KCNIP4: variants seen among roughly 807,000 people sequenced by gnomAD.
KCNIP4 encodes the protein potassium voltage-gated channel interacting protein 4, also known as Kv channel-interacting protein 4.
In KCNIP4, 12 loss-of-function variants were observed where a neutral mutation model predicts 34.0. The ratio of observed to expected loss-of-function variants is 0.35; its 90% confidence interval spans 0.23 to 0.57. The LOEUF (loss-of-function observed/expected upper bound fraction) is 0.57, where lower values mean the gene tolerates loss of function less well. Ranked by LOEUF, KCNIP4 falls within the 20% of genes least tolerant of loss-of-function variation. The pLI is 0.83. For missense variants in KCNIP4, 238 were observed against 311.7 expected, an observed-to-expected ratio of 0.76 and a Z score of 1.78; for synonymous variants, 124 against 102.2, an observed-to-expected ratio of 1.21 and a Z score of -1.29.
chr4:20,783,909 G>T (rs1351509843), intron 3 of KCNIP4, among the ~76,000 whole-genome samples: 3 of 152,108 alleles, frequency 2.0e-5, no homozygotes, highest in Non-Finnish European at 4.4e-5. Flanking sequence ...TTGGTTGGTT[G>T]GTTGTTTTGA....
chr4:21,584,790 C>T (rs1741489147), intron 1 of KCNIP4, among the ~76,000 whole-genome samples: 2 of 152,038 alleles, frequency 1.3e-5, no homozygotes. Flanking sequence ...AACACACTCA[C>T]ACAAAGAAAG....
chr4:21,376,401 G>A (rs201639387), intron 1 of KCNIP4, among the ~76,000 whole-genome samples: 3 of 2,602 alleles, frequency 1.2e-3, no homozygotes, highest in Admixed American at 9.1e-3. Flanking sequence ...ATAAAGCATT[G>A]CCAGCCCCGT....
At chr4:21,193,860 A>C (rs966714333) in intron 1 of KCNIP4, among the ~76,000 whole-genome samples, 3 of 152,248 alleles carry the variant, frequency 2.0e-5, no homozygotes, top group East Asian at 3.9e-4. Flanking sequence ...CGTGAGCCAC[A>C]GCGCCTGGCC....
intron 1 of KCNIP4, among the ~76,000 whole-genome samples, chr4:21,865,474 T>C (rs748346600): frequency 2.6e-5 from 4 of 152,154 alleles, no homozygotes; most frequent in Non-Finnish European, 5.9e-5. Context: ...TGACTCATAA[T>C]GTTGTACTGA....
At chr4:21,887,371 G>A (rs1399421948) in intron 1 of KCNIP4, among the ~76,000 whole-genome samples, 3 of 152,008 alleles carry the variant, frequency 2.0e-5, no homozygotes, top group Non-Finnish European at 4.4e-5. Context: ...TTAGCTCTCT[G>A]GTATCTTCTT....
intron 3 of KCNIP4, among the ~76,000 whole-genome samples, chr4:20,819,380 G>A (rs1041442643): frequency 6.6e-5 from 10 of 152,102 alleles, no homozygotes; most frequent in Non-Finnish European, 1.5e-4. Context: ...GTATGATAGG[G>A]AAATGAATAA....
At chr4:21,473,636 T>C (rs944301078) in intron 1 of KCNIP4, among the ~76,000 whole-genome samples, 6 of 152,086 alleles carry the variant, frequency 3.9e-5, no homozygotes, top group East Asian at 1.9e-4. Context: ...AAACTTTAGA[T>C]AAGAGTTTCA....
chr4:21,896,224 C>CA (rs1727377733), intron 1 of KCNIP4, among the ~76,000 whole-genome samples: 1 of 152,144 alleles, frequency 6.6e-6, no homozygotes. Flanking sequence ...CAGATACAGT[C>CA]ACCACTCTCT....
intron 1 of KCNIP4, among the ~76,000 whole-genome samples, chr4:21,933,241 T>C (rs1194848338): frequency 6.6e-6 from 1 of 152,078 alleles, no homozygotes; most frequent in Non-Finnish European, 1.5e-5. Context: ...CTTGTTCCCC[T>C]GCTTAAAACC....
intron 1 of KCNIP4, among the ~76,000 whole-genome samples, chr4:21,157,134 A>T (rs539596180): frequency 6.6e-6 from 1 of 152,276 alleles, no homozygotes; most frequent in South Asian, 2.1e-4. Context: ...AAGACAGTTA[A>T]CATCACCAGC....
chr4:21,463,066 G>C (rs1729612078), intron 1 of KCNIP4, among the ~76,000 whole-genome samples: 1 of 151,920 alleles, frequency 6.6e-6, no homozygotes. Context: ...GGTAGTCCCA[G>C]TTTTAATTTT....
At chr4:21,595,162 C>T (rs920431381) in intron 1 of KCNIP4, among the ~76,000 whole-genome samples, 10 of 152,002 alleles carry the variant, frequency 6.6e-5, no homozygotes, top group African/African-American at 2.4e-4. Flanking sequence ...CTCTGACAGG[C>T]CCCAGTGTGT....
chr4:21,692,553 A>G (rs1173293346), intron 1 of KCNIP4, among the ~76,000 whole-genome samples: 8 of 152,214 alleles, frequency 5.3e-5, no homozygotes, highest in African/African-American at 1.9e-4. Flanking sequence ...GCTTTCTTTT[A>G]GCTTCAGAAT....
chr4:21,099,847 G>A (rs556416103), intron 1 of KCNIP4, among the ~76,000 whole-genome samples: 23 of 152,218 alleles, frequency 1.5e-4, no homozygotes, highest in South Asian at 1.0e-3. Flanking sequence ...TGACTTTGAA[G>A]GGTTCAATAG....
chr4:21,005,917 A>C (rs2149724617), intron 1 of KCNIP4, among the ~76,000 whole-genome samples: 2 of 152,216 alleles, frequency 1.3e-5, no homozygotes, highest in East Asian at 3.9e-4. Flanking sequence ...TTTTTTCTGA[A>C]ATTTGCATGC....
At chr4:20,764,350 C>A (rs555408783) in intron 3 of KCNIP4, among the ~76,000 whole-genome samples, 1 of 151,994 alleles carries the variant, frequency 6.6e-6, no homozygotes, top group African/African-American at 2.4e-5. Flanking sequence ...ACATTTTTTA[C>A]ATCATGATTT....
Position 21,533,722 on chromosome 4 carries a change from C to T in KCNIP4, c.61+414849G>A, listed in dbSNP as rs183160668. 3.0e-4 allele frequency among the ~76,000 whole-genome samples: 46 copies of T among 152,158 alleles called. 1 individual carries two copies. The highest frequency in any genetic ancestry group is 1.1e-3 in the African/African-American group (46 of 41,502). ...AGGTATTTTACTTATTCCTTCTCAG[C>T]GAATACTATAAAACCCATTTATTAA... On this transcript the variant is annotated intron_variant, in intron 1 of 8. Coordinates refer to ENST00000382152, the MANE Select transcript of KCNIP4 (RefSeq NM_025221.6).
At chr4:20,856,484 T>A (rs73114349) in intron 2 of KCNIP4, among the ~76,000 whole-genome samples, 1 of 152,174 alleles carries the variant, frequency 6.6e-6, no homozygotes, top group South Asian at 2.1e-4. Flanking sequence ...AAACATAACA[T>A]CATGATCTGC....
rs891888402 is a variant in KCNIP4, at chr4:21,786,813, G to A, written c.61+161758C>T. 1.2e-4 allele frequency among the ~76,000 whole-genome samples: 18 copies of A among 151,878 alleles called. 1 individual carries two copies. Among genetic ancestry groups the A allele is most frequent in the Admixed American group, 7.2e-4 (11 of 15,248 alleles). ...CATCTCCTGACCTCATGATCCGCCC[G>A]CCTCGGCCTCCCAAAGTGTGGGATT... On this transcript the variant is annotated intron_variant, in intron 1 of 8. Transcript: ENST00000382152.
Sources: allele counts gnomAD v4.1 joint callset (sites outside exome capture counted in the v4.1 genomes callset), GRCh38; gene constraint gnomAD v4.1.1; transcripts MANE v1.5; gene names NCBI Gene and HGNC (gene_info 2026-07-23, HGNC 2026-07-21).